Variants in GLIS3 observed in about 807,000 individuals in gnomAD.
The protein encoded by GLIS3 is GLIS family zinc finger 3, also known as zinc finger protein GLIS3.
In GLIS3, 53 loss-of-function variants were observed where a neutral mutation model predicts 78.6. The ratio of observed to expected loss-of-function variants is 0.67; its 90% CI spans 0.54 to 0.85. GLIS3 has a LOEUF of 0.85. Ranked by LOEUF, GLIS3 falls within the 40% of genes least tolerant of loss-of-function variation. The pLI, the probability that GLIS3 is intolerant of heterozygous loss-of-function variation, is 0.00. For missense variants in GLIS3, 1,703 were observed against 1,231.1 expected, an observed-to-expected ratio of 1.38 and a Z score of -5.74; for synonymous variants, 684 against 509.9, an observed-to-expected ratio of 1.34 and a Z score of -4.60.
the GLIS3 span, among the ~76,000 whole-genome samples, chr9:4,378,906 C>T: frequency 5.9e-5 from 9 of 152,212 alleles, no homozygotes; most frequent in African/African-American, 1.9e-4. Context: ...TACATCTGAG[C>T]CCCCATCAAG....
intron 9 of GLIS3, among the ~76,000 whole-genome samples, chr9:3,835,888 A>G (rs1818321440): frequency 6.6e-6 from 1 of 152,212 alleles, no homozygotes; most frequent in African/African-American, 2.4e-5. Context: ...ATCACACTCC[A>G]TGCCTTTTTG....
intron 4 of GLIS3, among the ~76,000 whole-genome samples, chr9:4,027,666 C>G (rs909533493): frequency 1.3e-5 from 2 of 152,198 alleles, no homozygotes; most frequent in African/African-American, 4.8e-5. Flanking sequence ...TGTTCCTAAA[C>G]AGTCTGATAA....
intron 4 of GLIS3, among the ~76,000 whole-genome samples, chr9:4,030,644 G>A (rs185469694): frequency 5.0e-4 from 76 of 152,180 alleles, no homozygotes; most frequent in Admixed American, 4.0e-3. Flanking sequence ...TCTGCGTATG[G>A]GTATCCAGTT....
chr9:3,945,395 A>G (rs1431597858), intron 4 of GLIS3, among the ~76,000 whole-genome samples: 1 of 152,206 alleles, frequency 6.6e-6, no homozygotes, highest in Non-Finnish European at 1.5e-5. Flanking sequence ...CAAGCGACCA[A>G]TTCCCTCCTC....
chr9:3,935,073 A>G (rs1825816886), intron 5 of GLIS3, among the ~76,000 whole-genome samples: 1 of 152,208 alleles, frequency 6.6e-6, no homozygotes, highest in South Asian at 2.1e-4. Context: ...CAAATAAGGA[A>G]TCCACTTAGT....
chr9:4,467,318 C>T, the GLIS3 span, among the ~76,000 whole-genome samples: 11 of 152,162 alleles, frequency 7.2e-5, no homozygotes, highest in Admixed American at 1.3e-4. Context: ...GATCTGAGAA[C>T]GGACAGACTG....
chr9:4,426,640 T>C, the GLIS3 span, among the ~76,000 whole-genome samples: 1 of 152,364 alleles, frequency 6.6e-6, no homozygotes, highest in East Asian at 1.9e-4. Flanking sequence ...CCATCCATCA[T>C]GGATTATTTG....
At chr9:3,998,518 C>G (rs1208938047) in intron 4 of GLIS3, among the ~76,000 whole-genome samples, 1 of 151,588 alleles carries the variant, frequency 6.6e-6, no homozygotes, top group African/African-American at 2.4e-5. Flanking sequence ...AATATAAATA[C>G]TAACACTAAC....
chr9:4,350,949 T>C (rs1237796606), upstream of GLIS3, among the ~76,000 whole-genome samples: 1 of 152,212 alleles, frequency 6.6e-6, no homozygotes, highest in Non-Finnish European at 1.5e-5. Flanking sequence ...AATAAACCAT[T>C]TGTGGCTCTT....
rs558245698 is a variant in GLIS3 at position 3,830,619 on chromosome 9, T to A, written c.2474-1127A>T. ...TCTGGTTTTGATGGAAAAAAAGGGA[T>A]TAATAGAGGAAGTACCCCAGGATTT... On this transcript the variant is annotated intron_variant, in intron 9 of 10. Coordinates refer to ENST00000381971, the MANE Select transcript of GLIS3 (RefSeq NM_001042413.2). Among the ~76,000 whole-genome samples the A allele has an allele frequency of 2.6e-5, 4 of 152,292 alleles. No homozygotes were observed. In the South Asian group the frequency reaches 8.3e-4, roughly 32 times the overall value.
At chr9:4,293,523 G>A (rs966737081) in intron 1 of GLIS3, among the ~76,000 whole-genome samples, 1 of 152,214 alleles carries the variant, frequency 6.6e-6, no homozygotes, top group Non-Finnish European at 1.5e-5. Flanking sequence ...AAACCTCTGT[G>A]AATGACTCAG....
intron 2 of GLIS3, among the ~76,000 whole-genome samples, chr9:4,238,393 G>C (rs1005468057): frequency 1.3e-5 from 2 of 152,172 alleles, no homozygotes; most frequent in South Asian, 2.1e-4. Flanking sequence ...TTGAGAATGA[G>C]AGAGTCTACC....
At chr9:4,402,704 CT>C in the GLIS3 span, among the ~76,000 whole-genome samples, 1 of 152,130 alleles carries the variant, frequency 6.6e-6, no homozygotes, top group African/African-American at 2.4e-5. Flanking sequence ...ATTAGAGTCT[CT>C]TAATAGTAGA....
chr9:4,468,430 AG>A, the GLIS3 span, among the ~76,000 whole-genome samples: 8 of 152,238 alleles, frequency 5.3e-5, no homozygotes, highest in Admixed American at 5.2e-4. Flanking sequence ...GACTAACAGC[AG>A]ATCTCTTGGC....
At chr9:4,188,487 G>C (rs1285451879) in intron 2 of GLIS3, among the ~76,000 whole-genome samples, 1 of 150,476 alleles carries the variant, frequency 6.6e-6, no homozygotes, top group East Asian at 1.9e-4. Flanking sequence ...CCCGGCTTTG[G>C]TATCAGGATG....
chr9:4,397,495 CCT>C, the GLIS3 span, among the ~76,000 whole-genome samples: 23 of 151,794 alleles, frequency 1.5e-4, no homozygotes, highest in Middle Eastern at 3.4e-3. Flanking sequence ...ACTGCTTCCC[CCT>C]GACTCCCCAC....
intron 4 of GLIS3, among the ~76,000 whole-genome samples, chr9:4,024,030 A>C (rs1000001714): frequency 9.4e-5 from 13 of 137,946 alleles, no homozygotes; most frequent in South Asian, 4.3e-4. Context: ...AAAAACAAAA[A>C]AAAACAAAAA....
intron 4 of GLIS3, among the ~76,000 whole-genome samples, chr9:4,030,504 A>C (rs927873635): frequency 6.6e-5 from 10 of 152,150 alleles, no homozygotes; most frequent in Non-Finnish European, 1.3e-4. Context: ...CTGCTCAAGA[A>C]ATCTCTGCCA....
intron 1 of GLIS3, among the ~76,000 whole-genome samples, chr9:4,288,396 G>A (rs976062719): frequency 6.6e-6 from 1 of 152,152 alleles, no homozygotes; most frequent in African/African-American, 2.4e-5. Context: ...TGTTCAACAT[G>A]ACTGGAAATA....
Sources: gnomAD v4.1 joint callset for allele counts (sites outside exome capture counted in the v4.1 genomes callset) on GRCh38, gnomAD v4.1.1 for gene constraint, MANE v1.5 for transcripts, NCBI Gene and HGNC (gene_info 2026-07-23, HGNC 2026-07-21) for gene names.